The following P2RY10 variants were observed in gnomAD, a reference collection of about 807,000 sequenced individuals.
The protein encoded by P2RY10 is putative P2Y purinoceptor 10.
In P2RY10, 4 loss-of-function variants were observed where a neutral mutation model predicts 12.1. The observed-to-expected ratio is 0.33, with a 90% CI of 0.16 to 0.76. The LOEUF (loss-of-function observed/expected upper bound fraction) is 0.76, where lower values mean the gene tolerates loss of function less well. Ranked by LOEUF, P2RY10 falls within the 30% of genes least tolerant of loss-of-function variation. The pLI, the probability that P2RY10 is intolerant of heterozygous loss-of-function variation, is 0.61. For synonymous variants in P2RY10, 112 were observed against 94.1 expected, an observed-to-expected ratio of 1.19 and a Z score of -1.10; for missense variants, 233 against 264.6, an observed-to-expected ratio of 0.88 and a Z score of 0.83.
chrX:78,961,401 C>G lies in P2RY10; in HGVS notation c.881C>G (p.Ala294Gly). 1 of 1,211,183 alleles carries G rather than the reference C, an allele frequency of 8.3e-7. No individual in the cohort carries two copies. The highest frequency in any genetic ancestry group is 1.1e-6 in the Non-Finnish European group (1 of 894,985). ...LYFHPFCLCL[A>G]SLCCLLDPIL... is the part of the protein sequence containing the mutation. ...TTCCACCCTTTTTGCCTGTGCCTTG[C>G]AAGTCTCTGCTGCCTTTTGGATCCA... The change falls in exon 4 of 4, where the codon GCA (alanine) becomes GGA (glycine). Residue 294 changes from alanine to glycine, a missense_variant. By Grantham distance (60) the Ala-to-Gly change is moderately conservative. Transcript: ENST00000171757.
intron 2 of P2RY10, among the ~76,000 whole-genome samples, chrX:78,950,091 G>C (rs1039929585): frequency 3.6e-5 from 4 of 111,700 alleles, no homozygotes; most frequent in African/African-American, 1.3e-4. Flanking sequence ...CCACAGACAG[G>C]CTTCAGCATC....
intron 3 of P2RY10, among the ~76,000 whole-genome samples, chrX:78,957,269 G>C (rs1391035078): frequency 1.9e-5 from 2 of 107,481 alleles, no homozygotes; most frequent in African/African-American, 6.8e-5. Flanking sequence ...GTCCAGATTG[G>C]AGGGGAGAGA....
chrX:78,959,599 G>T (rs754510599), intron 3 of P2RY10, among the ~76,000 whole-genome samples: 2 of 111,868 alleles, frequency 1.8e-5, no homozygotes, highest in East Asian at 2.8e-4. Flanking sequence ...TTACTTTAAT[G>T]AATAAAGAAA....
chrX:78,961,579 C>T lies in P2RY10; in HGVS notation c.*39C>T, dbSNP rs776260472. On this transcript the variant is annotated 3_prime_UTR_variant, in exon 4 of 4. Coordinates refer to ENST00000171757, the MANE Select transcript of P2RY10 (RefSeq NM_014499.4). ...CTTTAATTACGCCTTTGTTTACCTA[C>T]GTTCCTTGTCTTTTTCCAAAGGCCA... is the stretch of plus-strand genomic sequence containing the variant. 9 of 1,015,328 alleles carry T rather than the reference C, an allele frequency of 8.9e-6. No homozygotes were observed. The highest frequency in any genetic ancestry group is 1.2e-5 in the Non-Finnish European group (9 of 743,318). 83.7% of individuals were successfully genotyped at this position (1,015,328 alleles called of 1,213,427 possible).
At chrX:78,956,372 T>C (rs1922333520) in intron 3 of P2RY10, among the ~76,000 whole-genome samples, 2 of 111,632 alleles carry the variant, frequency 1.8e-5, no homozygotes, top group Non-Finnish European at 3.8e-5. Flanking sequence ...AATGTACTAG[T>C]TGATATATCA....
At chrX:78,954,686 T>C (rs924304720) in intron 3 of P2RY10, among the ~76,000 whole-genome samples, 1 of 112,334 alleles carries the variant, frequency 8.9e-6, no homozygotes, top group Non-Finnish European at 1.9e-5. Context: ...GCAACAACCA[T>C]GGATTATTTT....
intron 3 of P2RY10, among the ~76,000 whole-genome samples, chrX:78,959,997 A>G (rs1922527615): frequency 9.0e-6 from 1 of 111,315 alleles, no homozygotes; most frequent in African/African-American, 3.3e-5. Context: ...ATGCAGGCTT[A>G]AGGAGGCAGG....
intron 3 of P2RY10, among the ~76,000 whole-genome samples, chrX:78,956,295 G>T (rs1175734668): frequency 1.8e-5 from 2 of 111,446 alleles, no homozygotes; most frequent in Admixed American, 9.6e-5. Flanking sequence ...AAGGATAGGT[G>T]CAGGGAATAT....
intron 3 of P2RY10, among the ~76,000 whole-genome samples, chrX:78,957,448 A>G (rs1475447537): frequency 2.8e-5 from 3 of 107,956 alleles, no homozygotes; most frequent in Non-Finnish European, 5.8e-5. Flanking sequence ...GAGAGAAGGA[A>G]TATACTCTGA....
chrX:78,957,072 G>T (rs758735229), intron 3 of P2RY10, among the ~76,000 whole-genome samples: 4 of 109,877 alleles, frequency 3.6e-5, no homozygotes, highest in Non-Finnish European at 5.7e-5. Flanking sequence ...ATGGAAGGAA[G>T]AATTACCTGG....
chrX:78,957,059 T>C (rs765701135), intron 3 of P2RY10, among the ~76,000 whole-genome samples: 1 of 110,193 alleles, frequency 9.1e-6, no homozygotes, highest in Non-Finnish European at 1.9e-5. Context: ...GAGAGGATTT[T>C]ACATGGAAGG....
In P2RY10 at chrX:78,963,652, C is replaced by T. The variant is rs1216383347; in HGVS notation, c.*2112C>T. On this transcript the variant is annotated 3_prime_UTR_variant, in exon 4 of 4. Transcript: ENST00000171757. Reference sequence around the variant, plus strand: ...CTACCATTTAAGTGGAATCTTTGAACTTTTTTTTTGACATGTGAATCTCTA... The same window carrying T: ...CTACCATTTAAGTGGAATCTTTGAATTTTTTTTTTGACATGTGAATCTCTA... Among the ~76,000 whole-genome samples, 1 of 111,152 alleles carries T rather than the reference C, an allele frequency of 9.0e-6. No homozygotes were observed. Among genetic ancestry groups the T allele is most frequent in the African/African-American group, 3.3e-5 (1 of 30,627 alleles).
At chrX:78,947,098 C>T (rs923505021) in intron 1 of P2RY10, among the ~76,000 whole-genome samples, 9 of 110,211 alleles carry the variant, frequency 8.2e-5, no homozygotes, top group Non-Finnish European at 1.3e-4. Context: ...GCCTGTAATC[C>T]CAGCTACTGG....
intron 3 of P2RY10, among the ~76,000 whole-genome samples, chrX:78,959,200 A>G (rs1162371008): frequency 9.0e-6 from 1 of 111,696 alleles, no homozygotes; most frequent in Non-Finnish European, 1.9e-5. Flanking sequence ...GGAGAAAAAC[A>G]AAGATGAGGA....
rs1212828995 is a variant in P2RY10 at position 78,952,325 on chromosome X, TCA to T, written c.-23_-22del. On this transcript the variant is annotated 5_prime_UTR_variant, in exon 3 of 4. The change creates a premature stop within an existing upstream ORF in the 5' untranslated region. Transcript: ENST00000171757. ...AAGCATGTACCCTGGACAGAGCACT[TCA>T]AACTAGAGGTACCAAGAGTAATTAC... The T allele has an allele frequency of 2.7e-6, 2 of 750,405 alleles. No individual in the cohort carries two copies. The highest frequency in any genetic ancestry group is 3.0e-4 in the East Asian group (2 of 6,575). The allele number at this position is 750,405 out of a possible 1,213,427, so 61.8% of individuals were successfully genotyped here.
intron 3 of P2RY10, among the ~76,000 whole-genome samples, chrX:78,957,357 G>GACACACACACAC (rs765759888): frequency 0.16 from 8,764 of 55,832 alleles, 778 homozygotes; most frequent in Non-Finnish European, 0.22. Flanking sequence ...GGAAGAGAAA[G>GACACACACACAC]ACACACACAC....
intron 1 of P2RY10, among the ~76,000 whole-genome samples, 190 bp from the exon 2 acceptor site, chrX:78,947,625 T>C (rs1481400702): frequency 8.9e-6 from 1 of 111,922 alleles, no homozygotes; most frequent in African/African-American, 3.3e-5. Flanking sequence ...AGATGGTTCC[T>C]AATTTCCTTC....
intron 3 of P2RY10, among the ~76,000 whole-genome samples, chrX:78,958,519 C>T (rs1215140264): frequency 8.9e-6 from 1 of 112,340 alleles, no homozygotes; most frequent in Non-Finnish European, 1.9e-5. Context: ...TTACCATTTT[C>T]TAGCTTTGCT....
chrX:78,951,323 A>G (rs987099475), intron 2 of P2RY10, among the ~76,000 whole-genome samples: 4 of 112,150 alleles, frequency 3.6e-5, no homozygotes, highest in African/African-American at 1.3e-4. Context: ...CCTTCTTTAA[A>G]GCTCTTAGGT....
Sources: allele counts gnomAD v4.1 joint callset (sites outside exome capture counted in the v4.1 genomes callset), GRCh38; gene constraint gnomAD v4.1.1; transcripts MANE v1.5; gene names NCBI Gene and HGNC (gene_info 2026-07-23, HGNC 2026-07-21).